The following PXDNL variants were observed in gnomAD, a reference collection of about 807,000 sequenced individuals.
PXDNL encodes the protein probable oxidoreductase PXDNL.
In PXDNL, 145 loss-of-function variants were observed where a neutral mutation model predicts 150.8. The observed-to-expected ratio is 0.96, with a 90% CI of 0.84 to 1.10. The LOEUF (loss-of-function observed/expected upper bound fraction) is 1.10. Among genes scored for constraint, PXDNL ranks in the 50% least tolerant of loss-of-function variants. The pLI is 0.00. For synonymous variants in PXDNL, 757 were observed against 725.7 expected (o/e 1.04, Z -0.69); for missense variants, 2,087 against 1,873.9 (o/e 1.11, Z -2.10).
At chr8:51,533,545 C>A (rs1468761574) in intron 4 of PXDNL, among the ~76,000 whole-genome samples, 7 of 142,682 alleles carry the variant, frequency 4.9e-5, no homozygotes, top group South Asian at 2.3e-4. Context: ...TGATGCCGAG[C>A]CAAAGCTGGA....
At chr8:51,496,413 C>T (rs7827330) in intron 5 of PXDNL, among the ~76,000 whole-genome samples, 63,125 of 151,904 alleles carry the variant, frequency 0.42, 15,092 homozygotes, top group African/African-American at 0.66. Flanking sequence ...CAACATAGTG[C>T]TGGAAGTTCT....
chr8:51,672,135 C>A (rs1022858029), intron 1 of PXDNL, among the ~76,000 whole-genome samples: 6 of 152,118 alleles, frequency 3.9e-5, no homozygotes, highest in African/African-American at 1.4e-4. Context: ...GTGCACACCA[C>A]CACACTCAGC....
At chr8:51,525,005 G>A (rs1232190768) in intron 4 of PXDNL, among the ~76,000 whole-genome samples, 2 of 152,086 alleles carry the variant, frequency 1.3e-5, no homozygotes, top group Non-Finnish European at 1.5e-5. Context: ...AACTCTTCCT[G>A]ATGATGCGCC....
At chr8:51,740,180 T>C (rs2036889108) in intron 1 of PXDNL, among the ~76,000 whole-genome samples, 1 of 152,256 alleles carries the variant, frequency 6.6e-6, no homozygotes, top group Admixed American at 6.5e-5. Flanking sequence ...GTTCTTCTTC[T>C]AGTAAAATGA....
intron 9 of PXDNL, 31 bp from the exon 10 acceptor site, chr8:51,453,816 C>G: frequency 6.2e-7 from 1 of 1,603,892 alleles, no homozygotes; most frequent in East Asian, 2.2e-5. Flanking sequence ...AAACGAAATC[C>G]AGCAAGTAGC....
chr8:51,401,680 C>G (rs142194025), intron 17 of PXDNL, among the ~76,000 whole-genome samples: 1 of 152,262 alleles, frequency 6.6e-6, no homozygotes, highest in African/African-American at 2.4e-5. Flanking sequence ...GACACTACAT[C>G]AGTGAAGGAA....
At chr8:51,334,114 A>ATTTTCTTGATTGATAT (rs879861387) in intron 21 of PXDNL, among the ~76,000 whole-genome samples, 2 of 152,000 alleles carry the variant, frequency 1.3e-5, no homozygotes, top group African/African-American at 2.4e-5. Context: ...AATCATATCA[A>ATTTTCTTGATTGATAT]GCATTCTCGC....
intron 10 of PXDNL, 36 bp downstream of exon 10, chr8:51,453,483 G>A: frequency 6.3e-7 from 1 of 1,598,746 alleles, no homozygotes; most frequent in Non-Finnish European, 8.6e-7. Context: ...AGTGTGGCAG[G>A]AGGAACATTT....
At chr8:51,532,026 G>T (rs576609241) in intron 4 of PXDNL, among the ~76,000 whole-genome samples, 3 of 152,254 alleles carry the variant, frequency 2.0e-5, no homozygotes, top group East Asian at 1.9e-4. Flanking sequence ...GCAAATCGTT[G>T]TGATGGCTTC....
chr8:51,536,511 A>G (rs1344207082), intron 4 of PXDNL, among the ~76,000 whole-genome samples: 1 of 152,252 alleles, frequency 6.6e-6, no homozygotes, highest in Non-Finnish European at 1.5e-5. Context: ...GGAGGGGAAA[A>G]GCAAAAGAGA....
At chr8:51,711,550 A>G (rs1449080170) in intron 1 of PXDNL, among the ~76,000 whole-genome samples, 1 of 152,258 alleles carries the variant, frequency 6.6e-6, no homozygotes, top group East Asian at 1.9e-4. Context: ...AGAGTTTGTC[A>G]TGAAGCTCCA....
chr8:51,679,303 A>G (rs1815693579), intron 1 of PXDNL, among the ~76,000 whole-genome samples: 1 of 152,212 alleles, frequency 6.6e-6, no homozygotes, highest in African/African-American at 2.4e-5. Flanking sequence ...CACTTATAGT[A>G]TTATGACATC....
intron 14 of PXDNL, 114 bp from the exon 15 acceptor site, chr8:51,413,372 A>C: frequency 3.2e-6 from 2 of 632,134 alleles, no homozygotes; most frequent in South Asian, 1.9e-5. Flanking sequence ...TAAAACCTCT[A>C]AGACAATGAA....
chr8:51,347,741 C>T (rs1806204054), intron 19 of PXDNL, among the ~76,000 whole-genome samples: 1 of 148,510 alleles, frequency 6.7e-6, no homozygotes, highest in Non-Finnish European at 1.5e-5. Context: ...CCGCGCCCGA[C>T]CTATTGCTAC....
At chr8:51,485,369 A>G (rs1383862164) in intron 5 of PXDNL, among the ~76,000 whole-genome samples, 1 of 152,176 alleles carries the variant, frequency 6.6e-6, no homozygotes, top group East Asian at 1.9e-4. Context: ...ATATTGACAA[A>G]GACTCTCTTC....
Position 51,735,586 on chromosome 8 carries a change from G to T in PXDNL, c.164+73595C>A, listed in dbSNP as rs1308510955. On this transcript the variant is annotated intron_variant, in intron 1 of 22. Transcript: ENST00000356297. ...TTTTGAGACGGAGTCTCGCTCTGTC[G>T]CCCAGGCTGGAGTGCAGTGGCGGGA... Among the ~76,000 whole-genome samples the T allele has an allele frequency of 1.3e-4, 15 of 111,450 alleles. No individual in the cohort carries two copies. In the East Asian group the frequency reaches 3.1e-3, roughly 23 times the overall value. 73.1% of individuals were successfully genotyped at this position (111,450 alleles called of 152,430 possible).
At chr8:51,744,987 AG>A (rs764530192) in intron 1 of PXDNL, among the ~76,000 whole-genome samples, 1,323 of 4,524 alleles carry the variant, frequency 0.29, 99 homozygotes, top group Middle Eastern at 0.5. Flanking sequence ...AAAGAAAGAA[AG>A]AAAGGGAGGG....
At chr8:51,672,755 G>A (rs1815527264) in intron 1 of PXDNL, among the ~76,000 whole-genome samples, 1 of 151,998 alleles carries the variant, frequency 6.6e-6, no homozygotes, top group African/African-American at 2.4e-5. Context: ...TACACACTAG[G>A]TATTCCCTGA....
At chr8:51,326,375 G>A (rs756784782) in intron 21 of PXDNL, among the ~76,000 whole-genome samples, 1 of 152,144 alleles carries the variant, frequency 6.6e-6, no homozygotes, top group Non-Finnish European at 1.5e-5. Flanking sequence ...GCAGGCACCT[G>A]TAATCTGAGC....
Sources: allele counts gnomAD v4.1 joint callset (sites outside exome capture counted in the v4.1 genomes callset), GRCh38; gene constraint gnomAD v4.1.1; transcripts MANE v1.5; gene names NCBI Gene and HGNC (gene_info 2026-07-23, HGNC 2026-07-21).